SMAP1: variants seen among roughly 807,000 people sequenced by gnomAD.
SMAP1 encodes the protein stromal membrane-associated protein 1.
In SMAP1, 24 loss-of-function variants were observed where a neutral mutation model predicts 58.5. The observed-to-expected ratio is 0.41, with a 90% confidence interval of 0.30 to 0.58. The LOEUF is 0.58. Among genes scored for constraint, SMAP1 ranks in the 20% least tolerant of loss-of-function variants. SMAP1 has a pLI of 0.29. For synonymous variants in SMAP1, 216 were observed against 196.6 expected, an observed-to-expected ratio of 1.10 and a Z score of -0.82; for missense variants, 563 against 566.3, an observed-to-expected ratio of 0.99 and a Z score of 0.06.
intron 4 of SMAP1, among the ~76,000 whole-genome samples, chr6:70,788,202 A>G (rs1768157717): frequency 6.6e-6 from 1 of 151,016 alleles, no homozygotes; most frequent in Admixed American, 6.6e-5. Flanking sequence ...TCGCAAGGAC[A>G]AGAAACGAAA....
intron 6 of SMAP1, among the ~76,000 whole-genome samples, chr6:70,824,913 C>G (rs1770048460): frequency 6.6e-6 from 1 of 152,160 alleles, no homozygotes. Context: ...TTCCTTGTTT[C>G]TTAGAACACC....
chr6:70,738,914 A>ACT (rs1765714970), intron 2 of SMAP1, among the ~76,000 whole-genome samples: 1 of 152,036 alleles, frequency 6.6e-6, no homozygotes, highest in Admixed American at 6.6e-5. Context: ...CTGCTCTTTC[A>ACT]CTCTGACATA....
intron 6 of SMAP1, among the ~76,000 whole-genome samples, chr6:70,819,916 C>T (rs905636811): frequency 2.6e-5 from 4 of 152,072 alleles, no homozygotes; most frequent in Admixed American, 1.3e-4. Flanking sequence ...ACTTGAAATC[C>T]CCTATTACTA....
chr6:70,730,059 C>G (rs1765363031), intron 1 of SMAP1, among the ~76,000 whole-genome samples: 1 of 152,100 alleles, frequency 6.6e-6, no homozygotes, highest in Non-Finnish European at 1.5e-5. Flanking sequence ...CTTCCCTTCT[C>G]TCTCCCTTCT....
chr6:70,828,959 T>A (rs1770250485), intron 6 of SMAP1, among the ~76,000 whole-genome samples: 1 of 152,148 alleles, frequency 6.6e-6, no homozygotes, highest in African/African-American at 2.4e-5. Flanking sequence ...GGTAGAAGGA[T>A]CACCTGAGCC....
At chr6:70,816,545 GAACA>G (rs1262148260) in intron 6 of SMAP1, among the ~76,000 whole-genome samples, 2 of 152,118 alleles carry the variant, frequency 1.3e-5, no homozygotes, top group East Asian at 1.9e-4. Flanking sequence ...CTTTGCTTTT[GAACA>G]AACAGCCTTA....
chr6:70,831,888 GTA>G (rs1227653135), intron 6 of SMAP1, among the ~76,000 whole-genome samples: 1 of 152,080 alleles, frequency 6.6e-6, no homozygotes, highest in Non-Finnish European at 1.5e-5. Context: ...TACCAGCAGT[GTA>G]TATGTGTTCC....
At chr6:70,757,071 A>G (rs1243798290) in intron 3 of SMAP1, among the ~76,000 whole-genome samples, 1 of 152,224 alleles carries the variant, frequency 6.6e-6, no homozygotes, top group African/African-American at 2.4e-5. Context: ...GGCAATCCTA[A>G]GCCAAAAGAA....
intron 6 of SMAP1, among the ~76,000 whole-genome samples, chr6:70,811,347 G>A (rs1043005448): frequency 3.3e-5 from 5 of 152,136 alleles, no homozygotes; most frequent in African/African-American, 1.2e-4. Flanking sequence ...AGTAAAAAGT[G>A]TCTTCAGAGA....
At chr6:70,789,270 C>T (rs757612931) in intron 4 of SMAP1, among the ~76,000 whole-genome samples, 1 of 151,988 alleles carries the variant, frequency 6.6e-6, no homozygotes, top group Non-Finnish European at 1.5e-5. Context: ...GCTGTGTAAC[C>T]ACTACCACCA....
intron 6 of SMAP1, among the ~76,000 whole-genome samples, chr6:70,820,364 A>T (rs937139579): frequency 1.1e-4 from 16 of 152,278 alleles, no homozygotes; most frequent in Admixed American, 1.0e-3. Flanking sequence ...CTTTAATTTG[A>T]TTGTGATAAC....
intron 5 of SMAP1, among the ~76,000 whole-genome samples, chr6:70,797,757 A>G (rs1435468233): frequency 2.0e-5 from 3 of 152,056 alleles, no homozygotes; most frequent in Non-Finnish European, 2.9e-5. Context: ...TAAGTTCTGC[A>G]TGTTTATCAT....
chr6:70,709,190 G>T (rs1767957429), intron 1 of SMAP1, among the ~76,000 whole-genome samples: 2 of 151,998 alleles, frequency 1.3e-5, no homozygotes, highest in Admixed American at 1.3e-4. Flanking sequence ...CCGCCATTGT[G>T]TCTTCTTGGC....
At chr6:70,757,584 C>T (rs1335999861) in intron 3 of SMAP1, among the ~76,000 whole-genome samples, 2 of 151,560 alleles carry the variant, frequency 1.3e-5, no homozygotes, top group Non-Finnish European at 3.0e-5. Flanking sequence ...GAACAGGCAA[C>T]CTACAAAATG....
chr6:70,770,403 C>T (rs961805567), intron 3 of SMAP1, among the ~76,000 whole-genome samples: 2 of 152,166 alleles, frequency 1.3e-5, no homozygotes, highest in African/African-American at 4.8e-5. Context: ...ACATAGATTT[C>T]GTCTTTTCAC....
chr6:70,781,368 A>G (rs564869123), intron 4 of SMAP1, among the ~76,000 whole-genome samples: 7 of 152,166 alleles, frequency 4.6e-5, no homozygotes, highest in South Asian at 4.1e-4. Context: ...TGGGTTATAT[A>G]CTAATTTAGT....
At chr6:70,815,805 T>A (rs1034740819) in intron 6 of SMAP1, among the ~76,000 whole-genome samples, 1 of 152,090 alleles carries the variant, frequency 6.6e-6, no homozygotes. Flanking sequence ...CATATATGTA[T>A]TTGTGTATGT....
At chr6:70,844,077 AT>A (rs1438544842) in intron 7 of SMAP1, among the ~76,000 whole-genome samples, 1 of 152,156 alleles carries the variant, frequency 6.6e-6, no homozygotes, top group African/African-American at 2.4e-5. Context: ...CCTCTGATGG[AT>A]TTGCAGTTGA....
rs560796749 is a variant in SMAP1, at chr6:70,766,787, T to A, written c.339-6563T>A. Among the ~76,000 whole-genome samples, 1,140 of 152,348 alleles carry A rather than the reference T, an allele frequency of 7.5e-3. 12 individuals are homozygous for A. The highest frequency in any genetic ancestry group is 1.0e-2 in the Non-Finnish European group (680 of 68,030). On this transcript the variant is annotated intron_variant, in intron 3 of 10. Transcript: ENST00000370455. ...TTGTCAATTTTGTCTTTTGTTGCCATTGCTGTTGGTGTTTTAGACATGAAG... is the reference window on the plus strand; with the variant it reads ...TTGTCAATTTTGTCTTTTGTTGCCAATGCTGTTGGTGTTTTAGACATGAAG...
Sources: allele counts gnomAD v4.1 joint callset (sites outside exome capture counted in the v4.1 genomes callset), GRCh38; gene constraint gnomAD v4.1.1; transcripts MANE v1.5; gene names NCBI Gene and HGNC (gene_info 2026-07-23, HGNC 2026-07-21).